NHS: variants seen among roughly 807,000 people sequenced by gnomAD.
NHS encodes NHS actin remodeling regulator, also known as actin remodeling regulator NHS.
In NHS, 5 loss-of-function variants were observed where a neutral mutation model predicts 72.5. The observed-to-expected ratio is 0.07, with a 90% CI of 0.04 to 0.14. The LOEUF (loss-of-function observed/expected upper bound fraction) is 0.14. NHS is among the 10% of genes least tolerant of loss of function. The pLI is 1.00. For synonymous variants in NHS, 464 were observed against 547.7 expected (o/e 0.85, Z 2.13); for missense variants, 1,072 against 1,355.7 (o/e 0.79, Z 3.29).
At chrX:17,572,512 T>C (rs1191505055) in intron 1 of NHS, among the ~76,000 whole-genome samples, 11 of 98,022 alleles carry the variant, frequency 1.1e-4, no homozygotes, top group Admixed American at 1.0e-3. Context: ...TTTTTTTTTT[T>C]TGCTTTCCAT....
intron 1 of NHS, among the ~76,000 whole-genome samples, chrX:17,388,184 G>A (rs2146843445): frequency 8.9e-6 from 1 of 112,154 alleles, no homozygotes; most frequent in African/African-American, 3.2e-5. Context: ...TTATTACACA[G>A]CAGTCACTAT....
intron 1 of NHS, among the ~76,000 whole-genome samples, chrX:17,467,020 C>T (rs2064873479): frequency 8.9e-6 from 1 of 111,796 alleles, no homozygotes; most frequent in Non-Finnish European, 1.9e-5. Context: ...TACTCAGCAT[C>T]TAGTCTCAGG....
intron 1 of NHS, among the ~76,000 whole-genome samples, chrX:17,678,293 T>TGA (rs756746897): frequency 0.036 from 3,635 of 101,822 alleles, 159 homozygotes; most frequent in African/African-American, 0.12. Context: ...TGTGTGTGTG[T>TGA]GAGAGAGAGA....
chrX:17,497,356 G>A (rs1463356954), intron 1 of NHS, among the ~76,000 whole-genome samples: 3 of 111,527 alleles, frequency 2.7e-5, no homozygotes, highest in African/African-American at 9.8e-5. Flanking sequence ...TGAATTTGAG[G>A]CTTATGTGTA....
At chrX:17,718,944 GGAA>G (rs761340555) in intron 3 of NHS, among the ~76,000 whole-genome samples, 2 of 93,491 alleles carry the variant, frequency 2.1e-5, no homozygotes, top group Non-Finnish European at 4.3e-5. Flanking sequence ...GAGGAAGGAA[GGAA>G]GAAGGAGGGA....
intron 1 of NHS, among the ~76,000 whole-genome samples, chrX:17,547,520 A>G (rs1249327515): frequency 1.8e-5 from 2 of 112,553 alleles, no homozygotes; most frequent in Non-Finnish European, 3.8e-5. Flanking sequence ...CTAGGCTGTC[A>G]TTATGGTGAC....
intron 1 of NHS, among the ~76,000 whole-genome samples, chrX:17,555,638 T>C (rs755708187): frequency 1.8e-5 from 2 of 112,191 alleles, no homozygotes; most frequent in African/African-American, 6.5e-5. Flanking sequence ...ATCAGTGTGA[T>C]CTCTACCTTT....
intron 1 of NHS, among the ~76,000 whole-genome samples, chrX:17,631,458 G>A (rs2147068276): frequency 8.9e-6 from 1 of 111,930 alleles, no homozygotes; most frequent in South Asian, 3.7e-4. Context: ...ATTTTGTTTT[G>A]TTATCAGAGA....
At chrX:17,609,875 C>G (rs920509951) in intron 1 of NHS, among the ~76,000 whole-genome samples, 5 of 111,225 alleles carry the variant, frequency 4.5e-5, no homozygotes, top group African/African-American at 1.6e-4. Context: ...GAAGATGGTT[C>G]TGAGGACTCT....
intron 1 of NHS, among the ~76,000 whole-genome samples, chrX:17,668,299 T>A (rs2066025244): frequency 1.9e-5 from 2 of 107,509 alleles, no homozygotes; most frequent in African/African-American, 6.9e-5. Flanking sequence ...TTAAATAGAG[T>A]GAAATTAAGA....
At chrX:17,494,701 G>A (rs748267438) in intron 1 of NHS, among the ~76,000 whole-genome samples, 7 of 112,508 alleles carry the variant, frequency 6.2e-5, no homozygotes, top group Admixed American at 1.9e-4. Context: ...CAGTCACATA[G>A]CATTTCATTC....
chrX:17,634,980 G>A (rs996316015), intron 1 of NHS, among the ~76,000 whole-genome samples: 2 of 111,602 alleles, frequency 1.8e-5, no homozygotes, highest in African/African-American at 3.3e-5. Flanking sequence ...TCCTGATCAG[G>A]CAGTTGGTGT....
chrX:17,430,311 CTTTCCTTTCTTTCTTTCTTTT>C (rs2064686825), intron 1 of NHS, among the ~76,000 whole-genome samples: 2 of 71,182 alleles, frequency 2.8e-5, no homozygotes, highest in South Asian at 8.5e-4. Context: ...TTCTTTCTTT[CTTTCCTTTCTTTCTTTCTTTT>C]TCTTCTCTTT....
rs541219770 is a variant in NHS, at chrX:17,723,770, T to TGTGTGTGTGTGTGCGC, written c.1109-528_1109-527insTGTGTGTGTGTGCGCG. Among the ~76,000 whole-genome samples, 104 of 91,279 alleles carry TGTGTGTGTGTGTGCGC rather than the reference T, an allele frequency of 1.1e-3. 1 individual carries two copies. The highest frequency in any genetic ancestry group is 1.9e-3 in the Non-Finnish European group (91 of 48,433). 79.3% of individuals were successfully genotyped at this position (91,279 alleles called of 115,157 possible). The stretch of plus-strand genomic sequence containing the variant: ...GTGTGTGTGTGTGTGTGTGTGTGTG[T>TGTGTGTGTGTGTGCGC]GCGCGCGCGTGCGCGCATGGGGAAT... On this transcript the variant is annotated intron_variant, in intron 5 of 8. Coordinates refer to ENST00000676302, the MANE Select transcript of NHS (RefSeq NM_001291867.2).
At chrX:17,510,421 C>G (rs2065081702) in intron 1 of NHS, among the ~76,000 whole-genome samples, 1 of 112,182 alleles carries the variant, frequency 8.9e-6, no homozygotes, top group African/African-American at 3.2e-5. Flanking sequence ...CTGCAGATGC[C>G]CACCTCCTGC....
intron 1 of NHS, among the ~76,000 whole-genome samples, chrX:17,531,339 C>G (rs760624503): frequency 5.5e-5 from 6 of 108,931 alleles, no homozygotes; most frequent in Non-Finnish European, 7.7e-5. Flanking sequence ...GGGCCTCCCC[C>G]TCCCTCACTG....
chrX:17,718,671 GAAGAAGGAAAGC>G (rs1180680353), intron 3 of NHS, among the ~76,000 whole-genome samples: 1 of 89,526 alleles, frequency 1.1e-5, no homozygotes, highest in African/African-American at 4.2e-5. Flanking sequence ...AGTAGGAAAG[GAAGAAGGAAAGC>G]AAAAAGGAAG....
chrX:17,483,069 C>T (rs1023352125), intron 1 of NHS, among the ~76,000 whole-genome samples: 2 of 111,207 alleles, frequency 1.8e-5, no homozygotes, highest in Admixed American at 1.9e-4. Context: ...ATAATAATAA[C>T]GATAATAATA....
chrX:17,581,339 G>A (rs758480122), intron 1 of NHS, among the ~76,000 whole-genome samples: 1 of 111,810 alleles, frequency 8.9e-6, no homozygotes, highest in Admixed American at 9.5e-5. Context: ...GGAAACAATG[G>A]AGGCTTGCAC....
Sources: gnomAD v4.1 joint callset for allele counts (sites outside exome capture counted in the v4.1 genomes callset) on GRCh38, gnomAD v4.1.1 for gene constraint, MANE v1.5 for transcripts, NCBI Gene and HGNC (gene_info 2026-07-23, HGNC 2026-07-21) for gene names.